The following MTIF2 variants were observed in gnomAD, a reference collection of about 807,000 sequenced individuals.
MTIF2 encodes the protein translation initiation factor IF-2, mitochondrial.
Under a neutral mutation model 83.5 loss-of-function variants are expected in MTIF2, and 71 were observed. That is an observed-to-expected ratio of 0.85 (90% CI 0.70 to 1.04). The LOEUF (loss-of-function observed/expected upper bound fraction) is 1.04. Ranked by LOEUF, MTIF2 falls within the 50% of genes least tolerant of loss-of-function variation. The pLI, the probability that MTIF2 is intolerant of heterozygous loss-of-function variation, is 0.00. For synonymous variants in MTIF2, 319 were observed against 287.1 expected (o/e 1.11, Z -1.12); for missense variants, 957 against 846.5 (o/e 1.13, Z -1.62).
chr2:55,255,573 T>C (rs1270586236), intron 5 of MTIF2, among the ~76,000 whole-genome samples: 1 of 150,550 alleles, frequency 6.6e-6, no homozygotes, highest in Non-Finnish European at 1.5e-5. Context: ...AACAAGCTTA[T>C]CTGAGATGCA....
At chr2:55,240,462 C>G (rs1165832455) in intron 13 of MTIF2, among the ~76,000 whole-genome samples, 1 of 152,060 alleles carries the variant, frequency 6.6e-6, no homozygotes, top group Non-Finnish European at 1.5e-5. Flanking sequence ...ACCTGTAATT[C>G]CAGCTACTCA....
intron 12 of MTIF2, 138 bp from the exon 13 acceptor site, chr2:55,243,218 CACATATCT>C: frequency 9.5e-7 from 1 of 1,051,826 alleles, no homozygotes; most frequent in East Asian, 2.6e-5. Context: ...CTTAGCATTA[CACATATCT>C]ACTTGACTTA....
intron 13 of MTIF2, among the ~76,000 whole-genome samples, chr2:55,242,594 T>G (rs1676404732): frequency 6.6e-6 from 1 of 152,116 alleles, no homozygotes; most frequent in South Asian, 2.1e-4. Flanking sequence ...TTAGGAACAT[T>G]CAGAAGTCTG....
chr2:55,243,371 T>G, intron 12 of MTIF2, 45 bp downstream of exon 12: 1 of 1,503,106 alleles, frequency 6.7e-7, no homozygotes, highest in Non-Finnish European at 9.0e-7. Flanking sequence ...TAAAAAAACA[T>G]ATATTCAAAG....
chr2:55,243,573 T>C lies in MTIF2; in HGVS notation c.1407A>G (p.Glu469=). 1 of 1,614,128 alleles carries C rather than the reference T, an allele frequency of 6.2e-7. No homozygotes were observed. Among genetic ancestry groups the C allele is most frequent in the South Asian group, 1.1e-5 (1 of 91,086 alleles). The change falls in exon 12 of 16, where the codon GAA becomes GAG. Residue 469 remains glutamate (E), a synonymous_variant. Transcript: ENST00000263629. ...GGGCTTTCTGATGTGCTTCTTTGTG[T>C]TCCTTTCGCTTTTCTTCTATTATTT... ...DLKIIEEKRK[E]HKEAHQKARE...
In MTIF2 at chr2:55,242,934, C is replaced by A; in HGVS notation, c.1705+6G>T. 6.2e-7 allele frequency: 1 copy of A among 1,603,058 alleles called. No individual in the cohort carries two copies. Among genetic ancestry groups the A allele is most frequent in the South Asian group, 1.1e-5 (1 of 88,962 alleles). On this transcript the variant is annotated splice_donor_region_variant and intron_variant, in intron 13 of 15. Transcript: ENST00000263629. ...ACAGATTAACAAGAAGAAATGGAATCCTTACCATCAAATGTTTCAGCAAGG... is the reference window on the plus strand; with the variant it reads ...ACAGATTAACAAGAAGAAATGGAATACTTACCATCAAATGTTTCAGCAAGG...
At position 55,239,991 on chromosome 2, in the gene MTIF2, A is replaced by C; in HGVS notation, c.1870+20T>G. ...ACCTAATATACTAATTTTTAAAAGT[A>C]ACATTCAGTGATCACTCACCTACTG... On this transcript the variant is annotated intron_variant, in intron 14 of 15. Coordinates refer to ENST00000263629, the MANE Select transcript of MTIF2 (RefSeq NM_002453.3). The C allele has an allele frequency of 6.3e-7, 1 of 1,585,928 alleles. No individual in the cohort carries two copies. Among genetic ancestry groups the C allele is most frequent in the South Asian group, 1.1e-5 (1 of 87,602 alleles).
Position 55,243,436 on chromosome 2 carries a change from A to G in MTIF2, c.1544T>C (p.Val515Ala), listed in dbSNP as rs1265895217. ...GATACCTTTAATAATCACAGAAAGTACATTTGAATCTCTTTCCCTTTTCTC... is the reference window on the plus strand; with the variant it reads ...GATACCTTTAATAATCACAGAAAGTGCATTTGAATCTCTTTCCCTTTTCTC... ...PKEKRERDSNVLSVIIKGDVD... is the reference protein window; with the variant it reads ...PKEKRERDSNALSVIIKGDVD... Residue 515 changes from valine to alanine, a missense_variant, in exon 12 of 16, where the codon GTA becomes GCA. By Grantham distance (64) the Val-to-Ala change is moderately conservative. Around this residue, in one of 3 missense-constraint regions of MTIF2, gnomAD observed 733 missense variants for 648.7 expected, o/e 1.13. Coordinates refer to ENST00000263629, the MANE Select transcript of MTIF2 (RefSeq NM_002453.3). 5.0e-6 allele frequency: 8 copies of G among 1,606,926 alleles called. No homozygotes were observed. The Admixed American group carries it at 1.2e-4, about 24-fold the overall frequency.
intron 15 of MTIF2, 66 bp from the exon 16 acceptor site, chr2:55,236,886 ATGTGG>A: frequency 8.1e-7 from 1 of 1,232,140 alleles, no homozygotes; most frequent in Non-Finnish European, 1.1e-6. Context: ...ATACTACATT[ATGTGG>A]TGTTAACCAG....
At chr2:55,261,554 C>A (rs1046288943) in intron 5 of MTIF2, among the ~76,000 whole-genome samples, 1 of 151,728 alleles carries the variant, frequency 6.6e-6, no homozygotes. Context: ...TTGCAGGGAG[C>A]CGAGATCGTG....
chr2:55,248,981 T>A lies in MTIF2; in HGVS notation c.981+414A>T, dbSNP rs1231864911. Among the ~76,000 whole-genome samples the A allele has an allele frequency of 6.6e-5, 10 of 152,114 alleles. No individual in the cohort carries two copies. In the South Asian group the frequency reaches 2.1e-3, roughly 32 times the overall value. On this transcript the variant is annotated intron_variant, in intron 9 of 15. Transcript: ENST00000263629. ...TGAGACCCTATGTCTACAAAAAAAT[T>A]TAAAAATTAGCTAGGCATGGGGTGG...
intron 3 of MTIF2, among the ~76,000 whole-genome samples, chr2:55,264,940 C>T (rs6545482): frequency 0.94 from 143,743 of 152,194 alleles, 67,944 homozygotes; most frequent in East Asian, 0.98. Flanking sequence ...ACAAAAACAA[C>T]GTAAAAAGAA....
chr2:55,253,076 C>G (rs17432241), intron 7 of MTIF2, among the ~76,000 whole-genome samples: 3,572 of 152,208 alleles, frequency 0.023, 74 homozygotes, highest in Middle Eastern at 0.13. Context: ...GGGTTTAAAT[C>G]CTGGCTATGC....
rs371186085 is a variant in MTIF2, at chr2:55,237,386, T to A, written c.1913A>T (p.Lys638Met). The A allele has an allele frequency of 1.2e-6, 2 of 1,612,740 alleles. No homozygotes were observed. The highest frequency in any genetic ancestry group is 2.7e-5 in the African/African-American group (2 of 74,872). The change falls in exon 15 of 16, where the codon AAG (lysine) becomes ATG (methionine). Residue 638 changes from lysine (K) to methionine (M), a missense_variant. Transcript: ENST00000263629. Reference protein sequence around the residue: ...ILATFSVTEGKKKVPVAGCRV... With the variant: ...ILATFSVTEGMKKVPVAGCRV... The stretch of plus-strand genomic sequence containing the variant: ...GCAGCCAGCCACAGGAACTTTTTTC[T>A]TCCCTTCTGTTACAGAGAAGGTAGC...
chr2:55,261,506 C>G (rs1677989915), intron 5 of MTIF2, among the ~76,000 whole-genome samples: 1 of 151,446 alleles, frequency 6.6e-6, no homozygotes, highest in Non-Finnish European at 1.5e-5. Context: ...CCTCAGGAGG[C>G]TGAGGCAGGA....
At chr2:55,236,938 TGTC>T (rs1558543921) in intron 15 of MTIF2, 118 bp from the exon 16 acceptor site, 2 of 888,738 alleles carry the variant, frequency 2.3e-6, no homozygotes, top group Non-Finnish European at 3.2e-6. Context: ...TTTATGGTCT[TGTC>T]AAGTTAAATG....
intron 9 of MTIF2, among the ~76,000 whole-genome samples, chr2:55,248,084 C>A (rs912155157): frequency 2.0e-5 from 3 of 152,054 alleles, no homozygotes; most frequent in Admixed American, 2.0e-4. Flanking sequence ...GAGACAAGGT[C>A]TCATCATGTT....
chr2:55,240,486 G>A (rs1033846143), intron 13 of MTIF2, among the ~76,000 whole-genome samples: 6 of 152,166 alleles, frequency 3.9e-5, no homozygotes, highest in Non-Finnish European at 8.8e-5. Flanking sequence ...GGCCGAGACA[G>A]GAGAATCGCT....
intron 2 of MTIF2, among the ~76,000 whole-genome samples, chr2:55,268,218 A>G (rs894210355): frequency 2.6e-5 from 4 of 151,930 alleles, no homozygotes; most frequent in Non-Finnish European, 5.9e-5. Flanking sequence ...AGGCCACTGC[A>G]CTCCAGCCTG....
Sources: allele counts gnomAD v4.1 joint callset (sites outside exome capture counted in the v4.1 genomes callset), GRCh38; gene constraint gnomAD v4.1.1; regional missense constraint gnomAD v4.1.1; transcripts MANE v1.5; gene names NCBI Gene and HGNC (gene_info 2026-07-23, HGNC 2026-07-21).